The following TRAF3IP1 variants were observed in gnomAD, a reference collection of about 807,000 sequenced individuals.
The protein encoded by TRAF3IP1 is TRAF3-interacting protein 1.
Under a neutral mutation model 89.9 loss-of-function variants are expected in TRAF3IP1, and 53 were observed. The observed-to-expected ratio is 0.59, with a 90% CI of 0.47 to 0.74. The LOEUF (loss-of-function observed/expected upper bound fraction) is 0.74. Among genes scored for constraint, TRAF3IP1 ranks in the 30% least tolerant of loss-of-function variants. The pLI is 0.00. For missense variants in TRAF3IP1, 806 were observed against 866.1 expected, an observed-to-expected ratio of 0.93 and a Z score of 0.87; for synonymous variants, 311 against 322.1, an observed-to-expected ratio of 0.97 and a Z score of 0.37.
At chr2:238,373,183 T>C (rs1274822197) in intron 15 of TRAF3IP1, among the ~76,000 whole-genome samples, 1 of 152,206 alleles carries the variant, frequency 6.6e-6, no homozygotes, top group Non-Finnish European at 1.5e-5. Flanking sequence ...TTGCTTTTGG[T>C]GTTTTAGTCA....
At chr2:238,366,055 C>G (rs1036599892) in intron 15 of TRAF3IP1, among the ~76,000 whole-genome samples, 1 of 152,118 alleles carries the variant, frequency 6.6e-6, no homozygotes, top group Non-Finnish European at 1.5e-5. Flanking sequence ...ACCATCCTGG[C>G]TAATATGGTG....
Position 238,358,922 on chromosome 2 carries a change from G to A in TRAF3IP1, c.1689+2842G>A, listed in dbSNP as rs186424513. ...CAGTGTCTCTTCCAGCAAGAATCAG[G>A]CCACTTTCTGTAAAGGGCCAGATAA... On this transcript the variant is annotated intron_variant, in intron 15 of 16. Transcript: ENST00000373327. 2.2e-3 allele frequency among the ~76,000 whole-genome samples: 341 copies of A among 152,234 alleles called. 9 individuals are homozygous for A. The highest frequency in any genetic ancestry group is 0.021 in the Admixed American group (315 of 15,284).
At chr2:238,361,618 G>A (rs1031741379) in intron 15 of TRAF3IP1, among the ~76,000 whole-genome samples, 8 of 152,030 alleles carry the variant, frequency 5.3e-5, no homozygotes, top group East Asian at 1.9e-4. Flanking sequence ...CAGGCACTAC[G>A]TGTTTCCGGG....
intron 1 of TRAF3IP1, 25 bp downstream of exon 1, chr2:238,320,810 C>T (rs1287331441): frequency 1.4e-6 from 2 of 1,385,322 alleles, no homozygotes; most frequent in Admixed American, 2.6e-5. Flanking sequence ...CCGGGCCCGG[C>T]CAGGTGCGGG....
chr2:238,361,839 A>G (rs775693350), intron 15 of TRAF3IP1, among the ~76,000 whole-genome samples: 10 of 152,154 alleles, frequency 6.6e-5, no homozygotes, highest in African/African-American at 2.4e-4. Flanking sequence ...GCTTGACTTG[A>G]CTTTTACCAC....
At chr2:238,354,597 T>C (rs907959957) in intron 14 of TRAF3IP1, among the ~76,000 whole-genome samples, 1 of 152,154 alleles carries the variant, frequency 6.6e-6, no homozygotes, top group Non-Finnish European at 1.5e-5. Flanking sequence ...TTAACAACAA[T>C]AGGATTACTG....
rs1265349719 is a variant in TRAF3IP1, at chr2:238,344,372, G to C, written c.1160-125G>C. 4 of 753,764 alleles carry C rather than the reference G, an allele frequency of 5.3e-6. No homozygotes were observed. In the East Asian group the frequency reaches 8.1e-5, roughly 15 times the overall value. 46.7% of individuals were successfully genotyped at this position (753,764 alleles called of 1,614,324 possible). Reference sequence around the variant, plus strand: ...AAAAGCTGCCTTTGGTCAGTCCTTTGTCAGTCCTAACTTGCAGTGTGGGAA... The same window carrying C: ...AAAAGCTGCCTTTGGTCAGTCCTTTCTCAGTCCTAACTTGCAGTGTGGGAA... On this transcript the variant is annotated intron_variant, in intron 8 of 16. Transcript: ENST00000373327.
At chr2:238,347,239 A>T (rs1698935958) in intron 9 of TRAF3IP1, 1 of 567,496 alleles carries the variant, frequency 1.8e-6, no homozygotes, top group South Asian at 2.2e-5. Flanking sequence ...CCATTTTATG[A>T]TGCACAGTTT....
intron 5 of TRAF3IP1, among the ~76,000 whole-genome samples, chr2:238,331,611 C>T (rs951583070): frequency 3.3e-5 from 5 of 152,202 alleles, no homozygotes; most frequent in Admixed American, 6.5e-5. Context: ...GAGGCTGTTG[C>T]TTACTTGGCT....
intron 8 of TRAF3IP1, among the ~76,000 whole-genome samples, chr2:238,343,113 A>G (rs1374186747): frequency 6.7e-6 from 1 of 149,862 alleles, no homozygotes; most frequent in Admixed American, 6.6e-5. Flanking sequence ...TTTGAGACAG[A>G]GTCTGGCTCT....
At chr2:238,332,443 G>T (rs184376570) in intron 5 of TRAF3IP1, among the ~76,000 whole-genome samples, 1 of 152,176 alleles carries the variant, frequency 6.6e-6, no homozygotes, top group Non-Finnish European at 1.5e-5. Flanking sequence ...CAGTTTCTCC[G>T]TGGGTGTTGG....
At chr2:238,363,684 A>G (rs1482474804) in intron 15 of TRAF3IP1, among the ~76,000 whole-genome samples, 1 of 152,158 alleles carries the variant, frequency 6.6e-6, no homozygotes, top group African/African-American at 2.4e-5. Context: ...TCCTCAGGCC[A>G]GGTGCGGTGG....
chr2:238,386,980 T>C (rs559152473), intron 15 of TRAF3IP1, among the ~76,000 whole-genome samples: 81 of 152,380 alleles, frequency 5.3e-4, no homozygotes, highest in Non-Finnish European at 1.0e-3. Context: ...TTATTCATTA[T>C]AGACAATATA....
intron 1 of TRAF3IP1, among the ~76,000 whole-genome samples, chr2:238,321,674 T>C (rs1697554671): frequency 6.6e-6 from 1 of 152,204 alleles, no homozygotes; most frequent in Admixed American, 6.5e-5. Context: ...CTGTCAAGGC[T>C]CGTGGTAACT....
intron 9 of TRAF3IP1, among the ~76,000 whole-genome samples, chr2:238,344,952 G>T (rs1698825467): frequency 6.6e-6 from 1 of 152,130 alleles, no homozygotes; most frequent in African/African-American, 2.4e-5. Context: ...TCACAGTGCT[G>T]TGGCCACCAT....
intron 15 of TRAF3IP1, among the ~76,000 whole-genome samples, chr2:238,363,044 A>C (rs1017247908): frequency 2.8e-4 from 42 of 152,160 alleles, no homozygotes; most frequent in Non-Finnish European, 1.2e-4. Context: ...TATCTTATCT[A>C]TACTTAGTTT....
chr2:238,376,388 C>T (rs554881123), intron 15 of TRAF3IP1, among the ~76,000 whole-genome samples: 3 of 152,208 alleles, frequency 2.0e-5, no homozygotes, highest in Admixed American at 6.5e-5. Flanking sequence ...TACCACCCTG[C>T]TGTAATGACT....
intron 15 of TRAF3IP1, among the ~76,000 whole-genome samples, chr2:238,374,923 G>A (rs1266205870): frequency 6.6e-6 from 1 of 152,148 alleles, no homozygotes; most frequent in Non-Finnish European, 1.5e-5. Flanking sequence ...GTGTAGAGGT[G>A]TTTATAGTAT....
chr2:238,352,864 GA>G lies in TRAF3IP1; in HGVS notation c.1490del (p.Glu497GlyfsTer30), dbSNP rs1699234403. 6.2e-7 allele frequency: 1 copy of G among 1,613,482 alleles called. No homozygotes were observed. Among genetic ancestry groups the G allele is most frequent in the Non-Finnish European group, 8.5e-7 (1 of 1,179,628 alleles). On this transcript the variant is annotated frameshift_variant, in exon 13 of 17. Coordinates refer to ENST00000373327, the MANE Select transcript of TRAF3IP1 (RefSeq NM_015650.4). LOFTEE classifies it high-confidence loss of function. Reference sequence around the variant, plus strand: ...TAAAACCGTTTCAAATGTGATTACAGAGTCACACAATTCTGACAATGAAGAG... The same window carrying G: ...TAAAACCGTTTCAAATGTGATTACAGGTCACACAATTCTGACAATGAAGAG... ...SGKTVSNVIT[E>X]SHNSDNEEDD... is the part of the protein sequence containing the mutation.
Sources: gnomAD v4.1 joint callset for allele counts (sites outside exome capture counted in the v4.1 genomes callset) on GRCh38, gnomAD v4.1.1 for gene constraint, MANE v1.5 for transcripts, NCBI Gene and HGNC (gene_info 2026-07-23, HGNC 2026-07-21) for gene names.